The following ANGEL1 variants were observed in gnomAD, a reference collection of about 807,000 sequenced individuals.
ANGEL1 encodes angel homolog 1, also known as RNA 2',3'-cyclic phosphatase ANGEL1.
A neutral mutation model predicts 76.4 loss-of-function variants in ANGEL1; 62 were observed. That is an observed-to-expected ratio of 0.81 (90% CI 0.66 to 1.00). The LOEUF (loss-of-function observed/expected upper bound fraction) is 1.00, where lower values mean the gene tolerates loss of function less well. Among genes scored for constraint, ANGEL1 ranks in the 50% least tolerant of loss-of-function variants. ANGEL1 has a pLI of 0.00. For missense variants in ANGEL1, 737 were observed against 836.7 expected (o/e 0.88, Z 1.47); for synonymous variants, 340 against 331.7 (o/e 1.03, Z -0.27).
In ANGEL1 at chr14:76,806,770, G is replaced by A. The variant is rs761677880; in HGVS notation, c.1026C>T (p.Arg342=). The part of the protein sequence containing the change: ...CAVCYKPTRF[R]LLCASPVEYF... ...ACTCCACAGGGCTAGCACAGAGCAG[G>A]CGGAATCTGGTAGGCTTGTAGCAGA... Residue 342 remains arginine (R), a synonymous_variant, in exon 5 of 10, where the codon CGC becomes CGT. Coordinates refer to ENST00000251089, the MANE Select transcript of ANGEL1 (RefSeq NM_015305.4). 21 of 1,614,078 alleles carry A rather than the reference G, an allele frequency of 1.3e-5. No individual in the cohort carries two copies. The East Asian group carries it at 3.8e-4, about 29-fold the overall frequency.
At chr14:76,808,854 T>C (rs1166772914) in intron 2 of ANGEL1, among the ~76,000 whole-genome samples, 5 of 152,230 alleles carry the variant, frequency 3.3e-5, no homozygotes, top group Non-Finnish European at 5.9e-5. Flanking sequence ...ACTACCTCTC[T>C]GCACTCTGAT....
intron 7 of ANGEL1, among the ~76,000 whole-genome samples, chr14:76,793,422 G>GGGT (rs1185947195): frequency 7.3e-5 from 6 of 82,276 alleles, no homozygotes; most frequent in Middle Eastern, 6.3e-3. Flanking sequence ...GGAAAGAGGA[G>GGGT]AGGGGAGGAG....
At chr14:76,794,442 C>A (rs1393885472) in intron 7 of ANGEL1, among the ~76,000 whole-genome samples, 2 of 152,014 alleles carry the variant, frequency 1.3e-5, no homozygotes, top group African/African-American at 2.4e-5. Flanking sequence ...AAGGCTGGGG[C>A]GGACGCATCA....
chr14:76,798,702 C>T (rs780567881), intron 7 of ANGEL1, among the ~76,000 whole-genome samples: 1 of 152,010 alleles, frequency 6.6e-6, no homozygotes, highest in Non-Finnish European at 1.5e-5. Context: ...AATCCCAGCA[C>T]TTTGGGAGGC....
At chr14:76,794,383 C>T (rs1344747656) in intron 7 of ANGEL1, among the ~76,000 whole-genome samples, 1 of 151,876 alleles carries the variant, frequency 6.6e-6, no homozygotes, top group East Asian at 1.9e-4. Context: ...AATGAAATAC[C>T]CCTTTAGGCC....
At chr14:76,810,933 T>A (rs1440228851) in intron 1 of ANGEL1, among the ~76,000 whole-genome samples, 3 of 152,192 alleles carry the variant, frequency 2.0e-5, no homozygotes, top group Non-Finnish European at 4.4e-5. Context: ...ATCACTAGAC[T>A]CATTTTATTG....
chr14:76,795,897 T>C (rs1894562182), intron 7 of ANGEL1, among the ~76,000 whole-genome samples: 2 of 152,232 alleles, frequency 1.3e-5, no homozygotes, highest in Non-Finnish European at 2.9e-5. Flanking sequence ...CTATTTTTCA[T>C]CCAAGCAACC....
rs892142415 is a variant in ANGEL1 at position 76,787,368 on chromosome 14, T to G, written c.*1860A>C. 7 of 152,396 alleles carry G rather than the reference T, an allele frequency of 4.6e-5. No homozygotes were observed. The highest frequency in any genetic ancestry group is 1.7e-4 in the African/African-American group (7 of 41,464). 9.4% of individuals were successfully genotyped at this position (152,396 alleles called of 1,614,324 possible). On this transcript the variant is annotated 3_prime_UTR_variant, in exon 10 of 10. Transcript: ENST00000251089. ...GATAATCTATCAAGCATCTGCCCTC[T>G]GCTGTGGTTAGCCATTTTAAAGCTG...
intron 8 of ANGEL1, among the ~76,000 whole-genome samples, chr14:76,791,011 T>C (rs1413426998): frequency 6.6e-6 from 1 of 152,132 alleles, no homozygotes; most frequent in East Asian, 1.9e-4. Context: ...GCTTGTTACC[T>C]GGTAAAGTAT....
intron 1 of ANGEL1, chr14:76,812,226 T>C (rs1199859974): frequency 5.1e-6 from 5 of 984,704 alleles, no homozygotes; most frequent in African/African-American, 1.7e-5. Flanking sequence ...GTGTCTCTGA[T>C]TGAACGTCCG....
In ANGEL1 at chr14:76,809,339, C is replaced by A. The variant is rs922244642; in HGVS notation, c.369G>T (p.Leu123=). The A allele has an allele frequency of 1.2e-6, 2 of 1,614,118 alleles. No individual in the cohort carries two copies. The highest frequency in any genetic ancestry group is 2.7e-5 in the African/African-American group (2 of 74,946). ...CTAGCATCTCAGGGAAAGGCTCATC[C>A]AGGTTCTCTGCAGCCCGAAGGTCAC... is the stretch of plus-strand genomic sequence containing the variant. ...QLSDLRAAEN[L]DEPFPEMLGE... is the part of the protein sequence containing the mutation. The change falls in exon 2 of 10, where the codon CTG becomes CTT. Residue 123 remains leucine, a synonymous_variant. Transcript: ENST00000251089.
rs1287985683 is a variant in ANGEL1 at position 76,788,591 on chromosome 14, G to A, written c.*637C>T. The A allele has an allele frequency of 6.6e-6, 1 of 152,390 alleles. No homozygotes were observed. The highest frequency in any genetic ancestry group is 1.5e-5 in the Non-Finnish European group (1 of 68,164). The allele number at this position is 152,390 out of a possible 1,614,324, so 9.4% of individuals were successfully genotyped here. On this transcript the variant is annotated 3_prime_UTR_variant, in exon 10 of 10. Transcript: ENST00000251089. The stretch of plus-strand genomic sequence containing the variant: ...ACGCCGGGCCTGCCCTGGTTGGCAG[G>A]ATGAATGCCTAATGAAACACAGAGG...
chr14:76,791,473 G>T, intron 7 of ANGEL1, 107 bp from the exon 8 acceptor site: 1 of 945,144 alleles, frequency 1.1e-6, no homozygotes, highest in Non-Finnish European at 1.6e-6. Context: ...GATTGCTTCA[G>T]AAGGATCCAG....
intron 9 of ANGEL1, 32 bp downstream of exon 9, chr14:76,790,579 G>A (rs1269739593): frequency 3.2e-6 from 5 of 1,581,892 alleles, no homozygotes; most frequent in Non-Finnish European, 4.3e-6. Context: ...AGGGACCTGG[G>A]GGTGGAGGAA....
At chr14:76,805,600 CTACGAGG>C in intron 5 of ANGEL1, among the ~76,000 whole-genome samples, 1 of 152,136 alleles carries the variant, frequency 6.6e-6, no homozygotes, top group Admixed American at 6.5e-5. Context: ...GCTGATAAAA[CTACGAGG>C]TGTTTGTCAT....
At chr14:76,812,520 C>T (rs12878656) in intron 1 of ANGEL1, 94,578 of 1,243,478 alleles carry the variant, frequency 0.076, 3,951 homozygotes, top group Non-Finnish European at 0.082. Context: ...TAACCGCGGC[C>T]GGACGCCATC....
At chr14:76,806,880 T>G in intron 4 of ANGEL1, 31 bp from the exon 5 acceptor site, 1 of 1,595,834 alleles carries the variant, frequency 6.3e-7, no homozygotes, top group Non-Finnish European at 8.5e-7. Flanking sequence ...AAGAGATGGG[T>G]CAGAGTCCTT....
rs374258511 is a variant in ANGEL1 at position 76,791,357 on chromosome 14, G to T, written c.1628C>A (p.Ala543Glu). The T allele has an allele frequency of 2.5e-6, 4 of 1,613,916 alleles. No homozygotes were observed. In the South Asian group the frequency reaches 4.4e-5, roughly 18 times the overall value. The change falls in exon 8 of 10, where the codon GCG (alanine) becomes GAG (glutamate). Residue 543 changes from alanine (A) to glutamate (E), a missense_variant. Coordinates refer to ENST00000251089, the MANE Select transcript of ANGEL1 (RefSeq NM_015305.4). ...CTCAAGGACAGACTCAGCCCAACCC[G>T]CAGGTCGCTCTGCAGAGGACCAGAG... ...GVTDTKPERP[A>E]GWAESVLEED...
At chr14:76,800,229 T>C (rs1235629372) in intron 7 of ANGEL1, among the ~76,000 whole-genome samples, 2 of 152,218 alleles carry the variant, frequency 1.3e-5, no homozygotes, top group Non-Finnish European at 2.9e-5. Context: ...ACTATGAAAT[T>C]ATCTAAGTGA....
Sources: gnomAD v4.1 joint callset for allele counts (sites outside exome capture counted in the v4.1 genomes callset) on GRCh38, gnomAD v4.1.1 for gene constraint, MANE v1.5 for transcripts, NCBI Gene and HGNC (gene_info 2026-07-23, HGNC 2026-07-21) for gene names.